MYH2: variants seen among roughly 807,000 people sequenced by gnomAD.
MYH2 encodes myosin heavy chain 2.
In MYH2, 139 loss-of-function variants were observed where a neutral mutation model predicts 228.1. The observed-to-expected ratio is 0.61, with a 90% CI of 0.53 to 0.70. The LOEUF is 0.70. MYH2 is among the 30% of genes least tolerant of loss of function. The pLI is 0.00. For missense variants in MYH2, 1,809 were observed against 2,357.5 expected, an observed-to-expected ratio of 0.77 and a Z score of 4.82; for synonymous variants, 796 against 871.1, an observed-to-expected ratio of 0.91 and a Z score of 1.52.
At chr17:10,528,574 C>T (rs908590523) in intron 27 of MYH2, 116 bp downstream of exon 27, 51 of 1,495,282 alleles carry the variant, frequency 3.4e-5, no homozygotes, top group Non-Finnish European at 3.7e-5. Flanking sequence ...TTTGTGCTTA[C>T]TTCCCTGAAT....
chr17:10,522,396 C>G (rs547129228), intron 39 of MYH2, among the ~76,000 whole-genome samples: 9 of 152,164 alleles, frequency 5.9e-5, no homozygotes, highest in Non-Finnish European at 1.2e-4. Context: ...TATATTTTCT[C>G]TCTTATTTTC....
chr17:10,524,598 C>T lies in MYH2; in HGVS notation c.5043G>A (p.Glu1681=), dbSNP rs1394960875. 4 of 1,614,100 alleles carry T rather than the reference C, an allele frequency of 2.5e-6. No homozygotes were observed. The highest frequency in any genetic ancestry group is 1.3e-5 in the African/African-American group (1 of 74,948). The change falls in exon 35 of 40, where the codon GAG becomes GAA. Residue 1681 remains glutamate, a synonymous_variant. Coordinates refer to ENST00000245503, the MANE Select transcript of MYH2 (RefSeq NM_017534.6). This position sits in a 1 kb window ranked among gnomAD's most constrained non-coding sequence, Gnocchi z 4.7. ...CAGCCTGCAGCAGGTTGGCTCTGCG[C>T]TCCACCATGGCCAGCTGTTCCTTCA... ...EDLKEQLAMV[E]RRANLLQAEI... is the part of the protein sequence containing the mutation.
intron 4 of MYH2, among the ~76,000 whole-genome samples, chr17:10,546,500 C>T (rs2073635637): frequency 1.3e-5 from 2 of 151,738 alleles, no homozygotes; most frequent in Admixed American, 6.6e-5. Context: ...TTATTATGTG[C>T]AGACCTTTAC....
intron 13 of MYH2, 39 bp downstream of exon 13, chr17:10,539,405 G>A (rs756131517): frequency 4.3e-6 from 7 of 1,614,038 alleles, no homozygotes. Flanking sequence ...CTATGAAAAT[G>A]CTTTCATCCC....
At chr17:10,535,250 T>A in intron 18 of MYH2, 28 bp downstream of exon 18, 1 of 1,613,982 alleles carries the variant, frequency 6.2e-7, no homozygotes, top group Non-Finnish European at 8.5e-7. Flanking sequence ...GCAGTCATCC[T>A]TTGCACTTTC....
rs186620412 is a variant in MYH2, at chr17:10,530,082, T to G, written c.2698-8A>C. Reference sequence around the variant, plus strand: ...AGCCAAGCCTTCGGCTTCCTTAAGTTGGAAACAAGATCAAAATTGGGAAGA... The same window carrying G: ...AGCCAAGCCTTCGGCTTCCTTAAGTGGGAAACAAGATCAAAATTGGGAAGA... On this transcript the variant is annotated splice_region_variant and splice_polypyrimidine_tract_variant and intron_variant, in intron 22 of 39. Coordinates refer to ENST00000245503, the MANE Select transcript of MYH2 (RefSeq NM_017534.6). The G allele has an allele frequency of 4.1e-4, 657 of 1,614,246 alleles. 1 individual carries two copies. In the African/African-American group the frequency reaches 7.8e-3, roughly 19 times the overall value.
At chr17:10,546,675 G>A (rs2142323617) in intron 4 of MYH2, among the ~76,000 whole-genome samples, 1 of 152,044 alleles carries the variant, frequency 6.6e-6, no homozygotes, top group South Asian at 2.1e-4. Context: ...GGGGAAGTGG[G>A]AGAGGTTTCA....
intron 39 of MYH2, 68 bp from the exon 40 acceptor site, chr17:10,521,500 A>G: frequency 6.5e-7 from 1 of 1,546,922 alleles, no homozygotes; most frequent in Middle Eastern, 1.7e-4. Flanking sequence ...GACCTAATAG[A>G]AGAAAGGACT....
rs748733127 is a variant in MYH2, at chr17:10,536,602, T to G, written c.1902A>C (p.Gly634=). The G allele has an allele frequency of 2.4e-5, 39 of 1,613,238 alleles. No homozygotes were observed. The highest frequency in any genetic ancestry group is 3.2e-5 in the Non-Finnish European group (38 of 1,179,498). ...FSGAQTAEGE[G]AGGGAKKGGK... ...CACCTTTCTTGGCCCCTCCACCAGC[T>G]CCCTCTGAAGAAAAAGGAAGAAAAG... The change falls in exon 17 of 40, where the codon GGA becomes GGC. Residue 634 remains glycine, a synonymous_variant. Coordinates refer to ENST00000245503, the MANE Select transcript of MYH2 (RefSeq NM_017534.6).
intron 4 of MYH2, among the ~76,000 whole-genome samples, chr17:10,547,228 A>G (rs974629248): frequency 2.0e-5 from 3 of 152,222 alleles, no homozygotes; most frequent in Non-Finnish European, 4.4e-5. Context: ...TCAAATGCCT[A>G]TTGAAGGGTT....
At chr17:10,540,244 A>G (rs1464027912) in intron 11 of MYH2, among the ~76,000 whole-genome samples, 178 bp from the exon 12 acceptor site, 1 of 152,144 alleles carries the variant, frequency 6.6e-6, no homozygotes, top group East Asian at 1.9e-4. Flanking sequence ...CATTAGAATT[A>G]TAGGTGCATA....
chr17:10,529,289 G>A (rs751393085), intron 25 of MYH2, 37 bp from the exon 26 acceptor site: 48 of 1,613,902 alleles, frequency 3.0e-5, no homozygotes, highest in Admixed American at 6.7e-5. Flanking sequence ...AATTTAGTCC[G>A]TATCTAATGT....
intron 38 of MYH2, 55 bp from the exon 39 acceptor site, chr17:10,523,240 A>G: frequency 6.2e-7 from 1 of 1,603,994 alleles, no homozygotes; most frequent in Non-Finnish European, 8.5e-7. Context: ...TGACTATTGC[A>G]TCATTGCATA....
At chr17:10,521,987 C>T (rs79900109) in intron 39 of MYH2, among the ~76,000 whole-genome samples, 1,552 of 152,200 alleles carry the variant, frequency 0.01, 22 homozygotes, top group Non-Finnish European at 0.017. Flanking sequence ...AAGACAATTC[C>T]TTTAATAAAG....
Position 10,524,940 on chromosome 17 carries a change from G to A in MYH2, c.4788C>T (p.His1596=). 6.2e-7 allele frequency: 1 copy of A among 1,614,098 alleles called. No homozygotes were observed. Among genetic ancestry groups the A allele is most frequent in the Non-Finnish European group, 8.5e-7 (1 of 1,180,014 alleles). Residue 1596 remains histidine (H), a synonymous_variant, in exon 34 of 40, where the codon CAC becomes CAT. Transcript: ENST00000245503. This position sits in a 1 kb window ranked among gnomAD's most constrained non-coding sequence, Gnocchi z 4.7. ...DEEIDQLKRN[H]IRIVESMQST... ...TCTGCATGGACTCCACGATTCTAAT[G>A]TGGTTTCTCTTCAGCTGGTCAATTT... is the stretch of plus-strand genomic sequence containing the variant.
intron 8 of MYH2, 21 bp from the exon 9 acceptor site, chr17:10,543,182 T>C (rs367812830): frequency 8.7e-5 from 136 of 1,557,880 alleles, no homozygotes; most frequent in Non-Finnish European, 1.1e-4. Flanking sequence ...AAGCTAATAT[T>C]ACTACCTTTT....
chr17:10,539,958 C>CA lies in MYH2; in HGVS notation c.1116dup (p.Glu373Ter). 1 of 1,614,100 alleles carries CA rather than the reference C, an allele frequency of 6.2e-7. No individual in the cohort carries two copies. The highest frequency in any genetic ancestry group is 8.5e-7 in the Non-Finnish European group (1 of 1,180,008). On this transcript the variant is annotated frameshift_variant, in exon 12 of 40. Coordinates refer to ENST00000245503, the MANE Select transcript of MYH2 (RefSeq NM_017534.6). LOFTEE classifies it high-confidence loss of function. ...GTGCCATCTGGCTCTGCTTGCTCCT[C>CA]ACGCTGCTTTTGCTTAAATTTTAGG...
rs1443161731 is a variant in MYH2, at chr17:10,545,337, C to T, written c.505+9G>A. On this transcript the variant is annotated intron_variant, in intron 5 of 39. Transcript: ENST00000245503. ...GTTTACGCACTTGCAAAGCATTCGG[C>T]TCACTCACCAGTCAGCATGAACTGA... 1.2e-6 allele frequency: 2 copies of T among 1,613,032 alleles called. No individual in the cohort carries two copies. Among genetic ancestry groups the T allele is most frequent in the African/African-American group, 2.7e-5 (2 of 74,882 alleles).
intron 8 of MYH2, among the ~76,000 whole-genome samples, chr17:10,543,451 C>A (rs1439598546): frequency 6.6e-6 from 1 of 151,994 alleles, no homozygotes; most frequent in Admixed American, 6.5e-5. Flanking sequence ...TTCGTAAGTA[C>A]AATTATTATT....
Sources: allele counts gnomAD v4.1 joint callset (sites outside exome capture counted in the v4.1 genomes callset), GRCh38; gene constraint gnomAD v4.1.1; non-coding constraint Gnocchi (gnomAD v3.1); transcripts MANE v1.5; gene names NCBI Gene and HGNC (gene_info 2026-07-23, HGNC 2026-07-21).